ZBED3: variants seen among roughly 807,000 people sequenced by gnomAD.
ZBED3 encodes zinc finger BED-type containing 3.
For missense variants in ZBED3, 388 were observed against 362.9 expected (o/e 1.07, Z -0.56); for synonymous variants, 175 against 180.0 (o/e 0.97, Z 0.22).
intron 1 of ZBED3, among the ~76,000 whole-genome samples, chr5:77,083,347 G>A (rs1743170606): frequency 6.6e-6 from 1 of 152,166 alleles, no homozygotes; most frequent in Admixed American, 6.5e-5. Context: ...AGGAGATTCT[G>A]TGTTCACACC....
intron 2 of ZBED3, among the ~76,000 whole-genome samples, chr5:77,078,132 G>C (rs1743063829): frequency 1.3e-5 from 2 of 152,196 alleles, no homozygotes; most frequent in Non-Finnish European, 2.9e-5. Flanking sequence ...TTGAAATCAA[G>C]TGGGTCCCCA....
chr5:77,077,669 A>C lies in ZBED3; in HGVS notation c.210T>G (p.Arg70=). 1 of 1,389,750 alleles carries C rather than the reference A, an allele frequency of 7.2e-7. No individual in the cohort carries two copies. Among genetic ancestry groups the C allele is most frequent in the Non-Finnish European group, 9.3e-7 (1 of 1,075,194 alleles). 86.1% of individuals were successfully genotyped at this position (1,389,750 alleles called of 1,614,324 possible). ...GHPSGHWATC[R]LCGEQVGRGP... is the part of the protein sequence containing the mutation. ...CGCGGCCCACCTGCTCCCCGCACAG[A>C]CGGCAGGTGGCCCAGTGGCCCGACG... The change falls in exon 3 of 3, where the codon CGT becomes CGG. Residue 70 remains arginine, a synonymous_variant. Transcript: ENST00000255198.
At chr5:77,086,623 CTTTT>C (rs1743245694) in intron 1 of ZBED3, 1 of 19,240 alleles carries the variant, frequency 5.2e-5, no homozygotes, top group African/African-American at 2.4e-4. Flanking sequence ...GCGGAAAATT[CTTTT>C]GTTTGGGGGC....
At chr5:77,083,263 T>G (rs1266608276) in intron 1 of ZBED3, among the ~76,000 whole-genome samples, 2 of 152,238 alleles carry the variant, frequency 1.3e-5, no homozygotes, top group African/African-American at 4.8e-5. Context: ...GGAAGCCCAC[T>G]GCTGCGCCGC....
chr5:77,075,311 G>A lies in ZBED3; in HGVS notation c.*1863C>T, dbSNP rs1174424011. The A allele has an allele frequency of 1.3e-5, 2 of 152,214 alleles. No homozygotes were observed. Among genetic ancestry groups the A allele is most frequent in the African/African-American group, 4.8e-5 (2 of 41,446 alleles). The allele number at this position is 152,214 out of a possible 1,614,324, so 9.4% of individuals were successfully genotyped here. ...AAATATGTTGGGGTTGTTGTAGACT[G>A]AAAGTGACTAGAGTTGAAACCAAAA... On this transcript the variant is annotated 3_prime_UTR_variant, in exon 3 of 3. Coordinates refer to ENST00000255198, the MANE Select transcript of ZBED3 (RefSeq NM_032367.4).
At position 77,072,968 on chromosome 5, in the gene ZBED3, A is replaced by C. The variant is rs1742912245; in HGVS notation, c.*4206T>G. 6.6e-6 allele frequency: 1 copy of C among 152,194 alleles called. No individual in the cohort carries two copies. The highest frequency in any genetic ancestry group is 1.5e-5 in the Non-Finnish European group (1 of 68,028). 9.4% of individuals were successfully genotyped at this position (152,194 alleles called of 1,614,324 possible). On this transcript the variant is annotated 3_prime_UTR_variant, in exon 3 of 3. Transcript: ENST00000255198. The stretch of plus-strand genomic sequence containing the variant: ...TCAAATGATGGAGTTGGACTGAACA[A>C]GGGCTGCATTTCTTTCTGGGATTTT...
In ZBED3 at chr5:77,077,113, T is replaced by C; in HGVS notation, c.*61A>G. 1 of 1,231,992 alleles carries C rather than the reference T, an allele frequency of 8.1e-7. No individual in the cohort carries two copies. Among genetic ancestry groups the C allele is most frequent in the South Asian group, 2.4e-5 (1 of 42,188 alleles). The allele number at this position is 1,231,992 out of a possible 1,614,324, so 76.3% of individuals were successfully genotyped here. Reference sequence around the variant, plus strand: ...GGTTACGGCTTCGGTCCCAGCGGGGTCTGAAGGCATTGGCATTGGACGGAG... The same window carrying C: ...GGTTACGGCTTCGGTCCCAGCGGGGCCTGAAGGCATTGGCATTGGACGGAG... On this transcript the variant is annotated 3_prime_UTR_variant, in exon 3 of 3. Transcript: ENST00000255198.
At chr5:77,081,707 C>T (rs992050057) in intron 1 of ZBED3, among the ~76,000 whole-genome samples, 11 of 152,082 alleles carry the variant, frequency 7.2e-5, no homozygotes, top group Non-Finnish European at 1.5e-4. Flanking sequence ...TAAGAGATCC[C>T]TCAATTTTTC....
chr5:77,082,422 A>G (rs1174317954), intron 1 of ZBED3, among the ~76,000 whole-genome samples: 1 of 152,222 alleles, frequency 6.6e-6, no homozygotes, highest in African/African-American at 2.4e-5. Context: ...AGAAACTGGA[A>G]GCAAGGGAAT....
Position 77,077,535 on chromosome 5 carries a change from C to A in ZBED3, c.344G>T (p.Cys115Phe), listed in dbSNP as rs1743045528. 2 of 1,215,810 alleles carry A rather than the reference C, an allele frequency of 1.6e-6. No individual in the cohort carries two copies. Among genetic ancestry groups the A allele is most frequent in the South Asian group, 7.8e-5 (2 of 25,660 alleles). 75.3% of individuals were successfully genotyped at this position (1,215,810 alleles called of 1,614,324 possible). A position where few individuals can be genotyped will look rare whatever the true frequency, so the allele number is the denominator to read the frequency against. ...GAGSSPPAAPCPPPPGPAAAP... is the reference protein window; with the variant it reads ...GAGSSPPAAPFPPPPGPAAAP... ...CGCAGCGGGGCCGGGCGGCGGCGGG[C>A]AGGGCGCGGCAGGTGGGGAGCTCCC... The change falls in exon 3 of 3, where the codon TGC becomes TTC. Residue 115 changes from cysteine (C) to phenylalanine (F), a missense_variant. Cys to Phe is a radical substitution (Grantham distance 205, BLOSUM62 -2). Coordinates refer to ENST00000255198, the MANE Select transcript of ZBED3 (RefSeq NM_032367.4).
rs948709616 is a variant in ZBED3, at chr5:77,073,281, A to G, written c.*3893T>C. 6.6e-6 allele frequency: 1 copy of G among 152,084 alleles called. No homozygotes were observed. Among genetic ancestry groups the G allele is most frequent in the African/African-American group, 2.4e-5 (1 of 41,384 alleles). The allele number at this position is 152,084 out of a possible 1,614,324, so 9.4% of individuals were successfully genotyped here. ...TAGTTAAGATTCTAAATCCTTTCCT[A>G]TGTTTTAATGGTTCTTACAATTGGT... On this transcript the variant is annotated 3_prime_UTR_variant, in exon 3 of 3. Transcript: ENST00000255198.
At position 77,077,856 on chromosome 5, in the gene ZBED3, C is replaced by T; in HGVS notation, c.23G>A (p.Cys8Tyr). 1.6e-6 allele frequency: 2 copies of T among 1,265,840 alleles called. No individual in the cohort carries two copies. The highest frequency in any genetic ancestry group is 2.0e-6 in the Non-Finnish European group (2 of 1,009,080). 78.4% of individuals were successfully genotyped at this position (1,265,840 alleles called of 1,614,324 possible). Reference protein sequence around the residue: MRSGEPACTMDQARGLDD... With the variant: MRSGEPAYTMDQARGLDD... The stretch of plus-strand genomic sequence containing the variant: ...CAGCCCGCGGGCCTGGTCCATGGTG[C>T]AGGCCGGCTCGCCACTCCTCATTCT... Residue 8 changes from cysteine to tyrosine, a missense_variant, in exon 3 of 3, where the codon TGC becomes TAC. Transcript: ENST00000255198.
At chr5:77,082,268 GAAA>G (rs35181696) in intron 1 of ZBED3, among the ~76,000 whole-genome samples, 4 of 123,896 alleles carry the variant, frequency 3.2e-5, no homozygotes, top group Non-Finnish European at 3.4e-5. Flanking sequence ...ATGCTGTATT[GAAA>G]AAAAAAAAAA....
At chr5:77,086,614 CG>C (rs1442592897) in intron 1 of ZBED3, 5 of 76,898 alleles carry the variant, frequency 6.5e-5, no homozygotes, top group Non-Finnish European at 1.2e-4. Context: ...CCGAAAGGAG[CG>C]GAAAATTCTT....
Position 77,077,347 on chromosome 5 carries a change from C to G in ZBED3, c.532G>C (p.Ala178Pro). ...TGCAGTTCCCGGCGCGCCTGGGCCG[C>G]GGCGCGCTCTTCCTCCTGCAGCGCC... ...RRALQEEERAAAQARRELQAE... is the reference protein window; with the variant it reads ...RRALQEEERAPAQARRELQAE... The change falls in exon 3 of 3, where the codon GCG (alanine) becomes CCG (proline). Residue 178 changes from alanine to proline, a missense_variant. Coordinates refer to ENST00000255198, the MANE Select transcript of ZBED3 (RefSeq NM_032367.4). The G allele has an allele frequency of 8.0e-7, 1 of 1,254,558 alleles. No homozygotes were observed. Among genetic ancestry groups the G allele is most frequent in the South Asian group, 3.0e-5 (1 of 32,946 alleles). 77.7% of individuals were successfully genotyped at this position (1,254,558 alleles called of 1,614,324 possible). A position where few individuals can be genotyped will look rare whatever the true frequency, so the allele number is the denominator to read the frequency against.
Position 77,072,601 on chromosome 5 carries a change from A to G in ZBED3, c.*4573T>C, listed in dbSNP as rs937623595. 2 of 152,234 alleles carry G rather than the reference A, an allele frequency of 1.3e-5. No individual in the cohort carries two copies. Among genetic ancestry groups the G allele is most frequent in the African/African-American group, 4.8e-5 (2 of 41,462 alleles). 9.4% of individuals were successfully genotyped at this position (152,234 alleles called of 1,614,324 possible). On this transcript the variant is annotated 3_prime_UTR_variant, in exon 3 of 3. Transcript: ENST00000255198. ...ATGACTTAGATGGATAGATTTTTAT[A>G]TACCTTTGGGATTCCTCAGATTACT...
chr5:77,086,464 AC>A, intron 1 of ZBED3, among the ~76,000 whole-genome samples: 1 of 152,198 alleles, frequency 6.6e-6, no homozygotes, highest in Non-Finnish European at 1.5e-5. Flanking sequence ...TCTCTTAAAC[AC>A]CTTATCTTTG....
rs201611949 is a variant in ZBED3 at position 77,075,935 on chromosome 5, T to TTATATA, written c.*1233_*1238dup. Reference sequence around the variant, plus strand: ...GACATGCACCCTAGAACTTAAAGTATTATATATACATATATATATATATAT... The same window carrying TTATATA: ...GACATGCACCCTAGAACTTAAAGTATTATATATATATATACATATATATATATATAT... On this transcript the variant is annotated 3_prime_UTR_variant, in exon 3 of 3. Transcript: ENST00000255198. 13 of 21,160 alleles carry TTATATA rather than the reference T, an allele frequency of 6.1e-4. No individual in the cohort carries two copies. The highest frequency in any genetic ancestry group is 1.7e-3 in the East Asian group (2 of 1,184). The allele number at this position is 21,160 out of a possible 1,614,324, so 1.3% of individuals were successfully genotyped here. A position where few individuals can be genotyped will look rare whatever the true frequency, so the allele number is the denominator to read the frequency against.
At chr5:77,083,909 G>A (rs115285437) in intron 1 of ZBED3, among the ~76,000 whole-genome samples, 1 of 152,158 alleles carries the variant, frequency 6.6e-6, no homozygotes, top group Non-Finnish European at 1.5e-5. Flanking sequence ...GTGATAACGC[G>A]TTTCTTCCTT....
Sources: gnomAD v4.1 joint callset for allele counts (sites outside exome capture counted in the v4.1 genomes callset) on GRCh38, gnomAD v4.1.1 for gene constraint, MANE v1.5 for transcripts, NCBI Gene and HGNC (gene_info 2026-07-23, HGNC 2026-07-21) for gene names.